The following ROBO2 variants were observed in gnomAD, a reference collection of about 807,000 sequenced individuals.
ROBO2 encodes roundabout homolog 2.
A neutral mutation model predicts 160.8 loss-of-function variants in ROBO2; 53 were observed. The ratio of observed to expected loss-of-function variants is 0.33; its 90% CI spans 0.26 to 0.41. ROBO2 has a LOEUF of 0.41. Ranked by LOEUF, ROBO2 falls within the 10% of genes least tolerant of loss-of-function variation. ROBO2 has a pLI of 1.00. For missense variants in ROBO2, 1,577 were observed against 1,722.4 expected (o/e 0.92, Z 1.49); for synonymous variants, 664 against 611.7 (o/e 1.09, Z -1.26).
At chr3:76,746,168 C>CT (rs2093888002) in intron 2 of ROBO2, among the ~76,000 whole-genome samples, 1 of 151,986 alleles carries the variant, frequency 6.6e-6, no homozygotes, top group Non-Finnish European at 1.5e-5. Flanking sequence ...TGAACTCATC[C>CT]TTTTTTATGG....
chr3:77,464,166 G>A (rs1297396120), intron 2 of ROBO2, among the ~76,000 whole-genome samples: 3 of 152,264 alleles, frequency 2.0e-5, no homozygotes, highest in Middle Eastern at 3.4e-3. Flanking sequence ...TGAAGGACCT[G>A]TAATAATTTA....
chr3:76,259,057 TA>T (rs1706576216), intron 2 of ROBO2, among the ~76,000 whole-genome samples: 1 of 152,150 alleles, frequency 6.6e-6, no homozygotes, highest in South Asian at 2.1e-4. Context: ...ATTATTTTTG[TA>T]AAAGTTAAAT....
chr3:76,574,569 A>G (rs1052146331), intron 2 of ROBO2, among the ~76,000 whole-genome samples: 6 of 152,142 alleles, frequency 3.9e-5, no homozygotes, highest in African/African-American at 7.2e-5. Context: ...AGGGTGATAT[A>G]TGGTAAATCA....
intron 2 of ROBO2, among the ~76,000 whole-genome samples, chr3:76,995,230 G>A (rs1395921349): frequency 2.6e-5 from 4 of 151,772 alleles, no homozygotes; most frequent in Non-Finnish European, 2.9e-5. Flanking sequence ...ATAGTTTGCT[G>A]AGAATGATGG....
At chr3:76,207,076 ACT>A (rs1221931589) in intron 2 of ROBO2, among the ~76,000 whole-genome samples, 3 of 152,126 alleles carry the variant, frequency 2.0e-5, no homozygotes, top group African/African-American at 4.8e-5. Context: ...TAGCTCACAA[ACT>A]CTATCAGAAG....
rs544830701 is a variant in ROBO2, at chr3:77,594,389, G to A, written c.2684-753G>A. Among the ~76,000 whole-genome samples the A allele has an allele frequency of 2.0e-4, 31 of 152,274 alleles. 1 individual carries two copies. Among genetic ancestry groups the A allele is most frequent in the Admixed American group, 2.0e-3 (31 of 15,282 alleles). ...GCCAGTCCTTAAAATCCACTTTCAT[G>A]TTGTTAGGTTTGTAGGCTTGAAACT... On this transcript the variant is annotated intron_variant, in intron 17 of 25. Transcript: ENST00000461745.
chr3:76,752,259 T>G (rs993182449), intron 2 of ROBO2, among the ~76,000 whole-genome samples: 11 of 139,114 alleles, frequency 7.9e-5, no homozygotes, highest in African/African-American at 2.7e-4. Flanking sequence ...GGACACAAGG[T>G]GGGGAACATC....
chr3:76,619,297 G>A (rs893239650), intron 2 of ROBO2, among the ~76,000 whole-genome samples: 32 of 148,452 alleles, frequency 2.2e-4, no homozygotes, highest in Non-Finnish European at 3.6e-4. Flanking sequence ...CCGAGATCGC[G>A]CCACTGCACT....
intron 2 of ROBO2, among the ~76,000 whole-genome samples, chr3:76,038,202 A>T (rs2067175939): frequency 6.6e-6 from 1 of 152,060 alleles, no homozygotes; most frequent in African/African-American, 2.4e-5. Flanking sequence ...ATATGTCTAG[A>T]GCTAGAAGAA....
At chr3:77,168,139 ACTC>A (rs1220366595) in intron 2 of ROBO2, among the ~76,000 whole-genome samples, 1 of 152,078 alleles carries the variant, frequency 6.6e-6, no homozygotes, top group South Asian at 2.1e-4. Context: ...GGTGCCGTGA[ACTC>A]CTCAGTGACT....
At position 76,500,291 on chromosome 3, in the gene ROBO2, G is replaced by A. The variant is rs112789837; in HGVS notation, c.109+562689G>A. 9.9e-3 allele frequency among the ~76,000 whole-genome samples: 1,514 copies of A among 152,208 alleles called. 26 individuals are homozygous for A. The highest frequency in any genetic ancestry group is 0.033 in the African/African-American group (1,361 of 41,520). On this transcript the variant is annotated intron_variant, in intron 2 of 26. Coordinates refer to the ROBO2 transcript ENST00000487694. ...AGGCCACCATACCTGGCTAATTTGT[G>A]TACTTTTTGTAGAGACAGGGTTTCA...
intron 2 of ROBO2, among the ~76,000 whole-genome samples, chr3:76,716,414 G>A (rs1034612179): frequency 2.0e-5 from 3 of 151,918 alleles, no homozygotes; most frequent in Non-Finnish European, 4.4e-5. Flanking sequence ...TTCTTCACAG[G>A]TAATAGATGT....
rs1583319675 is a variant in ROBO2, at chr3:77,619,228, G to A, written c.3554+1455G>A. Among the ~76,000 whole-genome samples, 5 of 152,102 alleles carry A rather than the reference G, an allele frequency of 3.3e-5. No homozygotes were observed. The South Asian group carries it at 1.0e-3, about 32-fold the overall frequency. Reference sequence around the variant, plus strand: ...TAGTTTCCCCATGTGTAAAATGATGGTGATGATAATAGTAATTAGCTCATA... The same window carrying A: ...TAGTTTCCCCATGTGTAAAATGATGATGATGATAATAGTAATTAGCTCATA... On this transcript the variant is annotated intron_variant, in intron 22 of 25. Coordinates refer to ENST00000461745, the Ensembl canonical transcript of ROBO2.
At chr3:77,215,593 T>C (rs1398675206) in intron 2 of ROBO2, among the ~76,000 whole-genome samples, 2 of 152,210 alleles carry the variant, frequency 1.3e-5, no homozygotes, top group African/African-American at 2.4e-5. Flanking sequence ...AAAGTCATTC[T>C]CTGTCCAGCT....
upstream of ROBO2, among the ~76,000 whole-genome samples, chr3:77,038,282 A>G (rs1318605543): frequency 6.6e-6 from 1 of 152,204 alleles, no homozygotes; most frequent in Non-Finnish European, 1.5e-5. Flanking sequence ...TCACAAGTAA[A>G]TACTGTAGAT....
At position 76,175,029 on chromosome 3, in the gene ROBO2, T is replaced by G. The variant is rs149341866; in HGVS notation, c.109+237427T>G. ...TATTTTCCATTTGTTTGTGTCCTCTTTTATTTTATTGAGCAGTGGTTTGTA... is the reference window on the plus strand; with the variant it reads ...TATTTTCCATTTGTTTGTGTCCTCTGTTATTTTATTGAGCAGTGGTTTGTA... On this transcript the variant is annotated intron_variant, in intron 2 of 26. Transcript: ENST00000487694. 1.5e-3 allele frequency among the ~76,000 whole-genome samples: 235 copies of G among 152,210 alleles called. 1 individual carries two copies. The highest frequency in any genetic ancestry group is 5.0e-3 in the Admixed American group (77 of 15,284).
intron 5 of ROBO2, among the ~76,000 whole-genome samples, chr3:77,516,740 G>T (rs565857950): frequency 6.6e-6 from 1 of 151,594 alleles, no homozygotes; most frequent in South Asian, 2.1e-4. Context: ...ATATCAATAT[G>T]AATTTAAGTT....
intron 1 of ROBO2, among the ~76,000 whole-genome samples, chr3:77,049,882 A>G (rs1402323403): frequency 6.6e-6 from 1 of 152,240 alleles, no homozygotes; most frequent in Non-Finnish European, 1.5e-5. Context: ...CCTCTGCAGC[A>G]CTTATAACCA....
intron 2 of ROBO2, among the ~76,000 whole-genome samples, chr3:76,945,033 C>T (rs2078436506): frequency 6.6e-6 from 1 of 151,828 alleles, no homozygotes; most frequent in Non-Finnish European, 1.5e-5. Flanking sequence ...GGACTACAGG[C>T]GCCCGCCACC....
Sources: gnomAD v4.1 joint callset for allele counts (sites outside exome capture counted in the v4.1 genomes callset) on GRCh38, gnomAD v4.1.1 for gene constraint, MANE v1.5 for transcripts, NCBI Gene and HGNC (gene_info 2026-07-23, HGNC 2026-07-21) for gene names.